HYCC1: variants seen among roughly 807,000 people sequenced by gnomAD.
The protein encoded by HYCC1 is hyccin.
At chr7:22,904,460 A>AAT in the HYCC1 span, among the ~76,000 whole-genome samples, 87 of 151,280 alleles carry the variant, frequency 5.8e-4, 1 homozygote, top group South Asian at 4.2e-4. Flanking sequence ...TAATAATAAT[A>AAT]ATATATATAT....
chr7:22,911,240 G>A, the HYCC1 span, among the ~76,000 whole-genome samples: 1 of 152,186 alleles, frequency 6.6e-6, no homozygotes, highest in Non-Finnish European at 1.5e-5. Context: ...CCTTGTAAAT[G>A]AGAGCAACAT....
the HYCC1 span, chr7:22,936,073 A>C: frequency 6.6e-6 from 1 of 151,254 alleles, no homozygotes; most frequent in Admixed American, 6.6e-5. Flanking sequence ...ATTACATTGT[A>C]AAATAAGTTT....
the HYCC1 span, among the ~76,000 whole-genome samples, chr7:22,965,809 G>T: frequency 6.6e-6 from 1 of 151,700 alleles, no homozygotes. Context: ...TTTTTGAGAT[G>T]GGGTCTTGCT....
At chr7:23,004,009 G>A in the HYCC1 span, among the ~76,000 whole-genome samples, 1 of 152,208 alleles carries the variant, frequency 6.6e-6, no homozygotes, top group Admixed American at 6.5e-5. Context: ...GAAATAAATA[G>A]TTCAGTATGA....
the HYCC1 span, among the ~76,000 whole-genome samples, chr7:22,911,848 A>T: frequency 6.6e-6 from 1 of 152,244 alleles, no homozygotes; most frequent in Non-Finnish European, 1.5e-5. Context: ...AATTCTAACT[A>T]AATGTTTCTG....
the HYCC1 span, among the ~76,000 whole-genome samples, chr7:23,004,984 T>C: frequency 6.6e-6 from 1 of 152,158 alleles, no homozygotes; most frequent in East Asian, 1.9e-4. Flanking sequence ...TTTTTGTATT[T>C]TTAGTAGAGA....
At chr7:22,937,615 T>A in the HYCC1 span, 1 of 152,188 alleles carries the variant, frequency 6.6e-6, no homozygotes, top group Non-Finnish European at 1.5e-5. Flanking sequence ...TTCTATTGAA[T>A]AGAAGAGAAG....
the HYCC1 span, among the ~76,000 whole-genome samples, chr7:23,005,847 C>T: frequency 6.6e-6 from 1 of 152,318 alleles, no homozygotes; most frequent in Middle Eastern, 3.4e-3. Context: ...TTGATTTACA[C>T]ATTTTTATCT....
At chr7:22,920,461 T>C in the HYCC1 span, among the ~76,000 whole-genome samples, 1 of 151,964 alleles carries the variant, frequency 6.6e-6, no homozygotes, top group Admixed American at 6.6e-5. Context: ...GGCAATAGAA[T>C]AACATATGCA....
the HYCC1 span, among the ~76,000 whole-genome samples, chr7:22,983,426 A>G: frequency 5.3e-5 from 8 of 152,120 alleles, no homozygotes; most frequent in African/African-American, 1.9e-4. Flanking sequence ...GGGCTAAACT[A>G]TTTGCCATTC....
chr7:22,929,117 C>T, the HYCC1 span, among the ~76,000 whole-genome samples: 1 of 152,098 alleles, frequency 6.6e-6, no homozygotes, highest in Non-Finnish European at 1.5e-5. Context: ...ATAAATGGTG[C>T]TGGGAAAACT....
the HYCC1 span, among the ~76,000 whole-genome samples, chr7:22,992,300 C>T: frequency 1.2e-4 from 19 of 152,146 alleles, no homozygotes; most frequent in South Asian, 2.1e-3. Context: ...TTCATTCATT[C>T]ATTCACTCAT....
At chr7:22,992,868 T>C in the HYCC1 span, among the ~76,000 whole-genome samples, 1 of 152,128 alleles carries the variant, frequency 6.6e-6, no homozygotes, top group East Asian at 1.9e-4. Context: ...AGGTTAATTT[T>C]TCAAAAATTA....
At chr7:22,964,528 G>T in the HYCC1 span, 1 of 1,571,578 alleles carries the variant, frequency 6.4e-7, no homozygotes, top group Non-Finnish European at 8.8e-7. Flanking sequence ...CACAAACACA[G>T]ATTCTAGAAA....
chr7:22,937,234 T>G, the HYCC1 span: 1 of 151,954 alleles, frequency 6.6e-6, no homozygotes, highest in Non-Finnish European at 1.5e-5. Flanking sequence ...AAATGCATGA[T>G]AGGCTTTCAG....
At chr7:23,002,450 C>T in the HYCC1 span, among the ~76,000 whole-genome samples, 1 of 152,014 alleles carries the variant, frequency 6.6e-6, no homozygotes. Context: ...CAGGGAGAGG[C>T]TCTTGAACAC....
chr7:22,923,813 G>C, the HYCC1 span, among the ~76,000 whole-genome samples: 1 of 151,874 alleles, frequency 6.6e-6, no homozygotes, highest in Non-Finnish European at 1.5e-5. Flanking sequence ...AGATAACCTA[G>C]ATGAAATGGA....
the HYCC1 span, chr7:22,945,073 A>G: frequency 6.3e-6 from 1 of 159,854 alleles, no homozygotes. Context: ...GTGTTTCCAC[A>G]TGCCTGTTTT....
the HYCC1 span, among the ~76,000 whole-genome samples, chr7:22,957,667 T>C: frequency 4.6e-5 from 7 of 151,926 alleles, no homozygotes; most frequent in African/African-American, 1.5e-4. Context: ...AGCTGAGGGT[T>C]TGGGAAGAAA....
Sources: allele counts gnomAD v4.1 joint callset (sites outside exome capture counted in the v4.1 genomes callset), GRCh38; gene constraint gnomAD v4.1.1; transcripts MANE v1.5; gene names NCBI Gene and HGNC (gene_info 2026-07-23, HGNC 2026-07-21).